Variants in FOCAD observed in about 807,000 individuals in gnomAD.
FOCAD encodes KIAA1797.
A neutral mutation model predicts 225.6 loss-of-function variants in FOCAD; 198 were observed. The ratio of observed to expected loss-of-function variants is 0.88; its 90% CI spans 0.78 to 0.99. FOCAD has a LOEUF of 0.99. Among genes scored for constraint, FOCAD ranks in the 50% least tolerant of loss-of-function variants. FOCAD has a pLI of 0.00. For missense variants in FOCAD, 2,713 were observed against 2,123.6 expected (o/e 1.28, Z -5.46); for synonymous variants, 897 against 755.0 (o/e 1.19, Z -3.08).
At chr9:20,962,061 T>A (rs1423091475) in intron 35 of FOCAD, among the ~76,000 whole-genome samples, 7 of 152,174 alleles carry the variant, frequency 4.6e-5, no homozygotes, top group Admixed American at 3.9e-4. Flanking sequence ...CTGTGTTTTC[T>A]ATGGACTTAG....
intron 11 of FOCAD, among the ~76,000 whole-genome samples, chr9:20,795,523 T>C (rs543202879): frequency 6.6e-6 from 1 of 152,182 alleles, no homozygotes; most frequent in East Asian, 1.9e-4. Flanking sequence ...CGCTGGCTCA[T>C]GCCTGTAATC....
intron 6 of FOCAD, 37 bp from the exon 7 acceptor site, chr9:20,764,832 A>T: frequency 1.3e-6 from 2 of 1,537,390 alleles, no homozygotes; most frequent in Non-Finnish European, 1.8e-6. Flanking sequence ...TAGTGTGTTT[A>T]ACTCAATAAC....
intron 24 of FOCAD, among the ~76,000 whole-genome samples, chr9:20,921,545 G>C (rs894728968): frequency 2.0e-5 from 3 of 152,112 alleles, no homozygotes; most frequent in Non-Finnish European, 4.4e-5. Context: ...AAGTCATTGT[G>C]GCAGGCATGA....
intron 1 of FOCAD, among the ~76,000 whole-genome samples, chr9:20,699,810 A>ATATATATATC (rs1823783994): frequency 8.3e-6 from 1 of 120,900 alleles, no homozygotes; most frequent in African/African-American, 3.2e-5. Context: ...ATATATATAT[A>ATATATATATC]TATATGAAGA....
chr9:20,803,193 G>C (rs1175653174), intron 11 of FOCAD, among the ~76,000 whole-genome samples: 1 of 152,094 alleles, frequency 6.6e-6, no homozygotes, highest in Non-Finnish European at 1.5e-5. Context: ...TTTAGGAAAT[G>C]AGAGGATAGG....
intron 27 of FOCAD, among the ~76,000 whole-genome samples, chr9:20,932,215 A>G (rs1398812843): frequency 6.6e-6 from 1 of 152,154 alleles, no homozygotes; most frequent in Non-Finnish European, 1.5e-5. Context: ...CATTGCAAAA[A>G]TTCCTTCACC....
rs201781111 is a variant in FOCAD at position 20,944,792 on chromosome 9, C to A, written c.3555+18C>A. The A allele has an allele frequency of 3.0e-5, 48 of 1,599,744 alleles. No homozygotes were observed. Among genetic ancestry groups the A allele is most frequent in the Non-Finnish European group, 3.9e-5 (46 of 1,169,774 alleles). On this transcript the variant is annotated intron_variant, in intron 29 of 43. Transcript: ENST00000338382. ...TTCAGGAGGTAAGAGATGGAGGCTA[C>A]ATTTTTTTCCCCTCTGCTCTCTTTT...
chr9:20,870,720 C>T (rs188955081), intron 18 of FOCAD, among the ~76,000 whole-genome samples: 2 of 152,172 alleles, frequency 1.3e-5, no homozygotes, highest in South Asian at 4.2e-4. Flanking sequence ...TGTTTCTGCC[C>T]ATCTGTAGGC....
rs1312245700 is a variant in FOCAD, at chr9:20,796,778, T to A, written c.1455+7170T>A. On this transcript the variant is annotated intron_variant, in intron 11 of 43. Coordinates refer to ENST00000338382, the MANE Select transcript of FOCAD (RefSeq NM_001375567.1). ...CATTCTGTAGGTTGCCTGTTCACTC[T>A]GATGGTAGTTTCTTTTGCTGTGCAG... 7.2e-5 allele frequency among the ~76,000 whole-genome samples: 11 copies of A among 152,256 alleles called. 1 individual carries two copies. Among genetic ancestry groups the A allele is most frequent in the Admixed American group, 5.9e-4 (9 of 15,292 alleles).
In FOCAD at chr9:20,862,699, C is replaced by T; in HGVS notation, c.2042C>T (p.Thr681Ile). ...CTAGTTCCTTCCTTAACGGTCAATA[C>T]AACTGAATATGAGGTATGCATTTGG... The part of the protein sequence containing the change: ...FSLVPSLTVN[T>I]TEYENFKVQV... Residue 681 changes from threonine to isoleucine, a missense_variant, in exon 16 of 44, where the codon ACA becomes ATA. Thr to Ile is a moderately conservative substitution (Grantham distance 89). Transcript: ENST00000338382. The T allele has an allele frequency of 6.2e-7, 1 of 1,612,364 alleles. No individual in the cohort carries two copies. Among genetic ancestry groups the T allele is most frequent in the Non-Finnish European group, 8.5e-7 (1 of 1,179,126 alleles).
At chr9:20,926,232 C>T in intron 25 of FOCAD, 69 bp from the exon 26 acceptor site, 1 of 958,104 alleles carries the variant, frequency 1.0e-6, no homozygotes, top group Non-Finnish European at 1.7e-6. Context: ...GGGAGTTACA[C>T]CTTAGATTTA....
chr9:20,819,509 T>C (rs1315850057), intron 11 of FOCAD, among the ~76,000 whole-genome samples: 1 of 152,104 alleles, frequency 6.6e-6, no homozygotes, highest in Non-Finnish European at 1.5e-5. Context: ...CCACCATGCT[T>C]GGCAAGGCAG....
intron 1 of FOCAD, among the ~76,000 whole-genome samples, chr9:20,688,541 T>C (rs1429810387): frequency 6.6e-6 from 1 of 152,182 alleles, no homozygotes; most frequent in East Asian, 1.9e-4. Context: ...GAGAGGATTC[T>C]AGGCTGGAGA....
chr9:20,974,979 A>G (rs776250240), intron 35 of FOCAD, among the ~76,000 whole-genome samples: 1 of 151,890 alleles, frequency 6.6e-6, no homozygotes, highest in African/African-American at 2.4e-5. Flanking sequence ...TGCTGACTCT[A>G]CTTCCACGCT....
At chr9:20,938,306 A>G (rs1836221118) in intron 28 of FOCAD, among the ~76,000 whole-genome samples, 1 of 152,294 alleles carries the variant, frequency 6.6e-6, no homozygotes, top group Non-Finnish European at 1.5e-5. Flanking sequence ...CACTATTCAC[A>G]ATAGCAAAGA....
chr9:20,677,203 C>G (rs887484158), intron 2 of FOCAD, among the ~76,000 whole-genome samples: 1 of 152,286 alleles, frequency 6.6e-6, no homozygotes, highest in East Asian at 1.9e-4. Flanking sequence ...TTACCTCACC[C>G]CATGTGATAA....
intron 11 of FOCAD, among the ~76,000 whole-genome samples, chr9:20,794,216 G>A (rs1820829769): frequency 6.6e-6 from 1 of 152,294 alleles, no homozygotes; most frequent in African/African-American, 2.4e-5. Flanking sequence ...AACTTAGAGA[G>A]CAGGAGGTAA....
chr9:20,834,746 A>G (rs1214661760), intron 15 of FOCAD, among the ~76,000 whole-genome samples: 1 of 151,892 alleles, frequency 6.6e-6, no homozygotes, highest in Admixed American at 6.6e-5. Flanking sequence ...ACAGGAGGAA[A>G]TTTTCTGGAC....
At chr9:20,674,117 A>G (rs1321501340) in intron 2 of FOCAD, among the ~76,000 whole-genome samples, 1 of 152,230 alleles carries the variant, frequency 6.6e-6, no homozygotes, top group Non-Finnish European at 1.5e-5. Context: ...TTTGCAAACT[A>G]CTTGTTAAAC....
Sources: gnomAD v4.1 joint callset for allele counts (sites outside exome capture counted in the v4.1 genomes callset) on GRCh38, gnomAD v4.1.1 for gene constraint, MANE v1.5 for transcripts, NCBI Gene and HGNC (gene_info 2026-07-23, HGNC 2026-07-21) for gene names.